Variants in RAB20 observed in about 807,000 individuals in gnomAD.
RAB20 encodes the protein ras-related protein Rab-20.
Under a neutral mutation model 3.7 loss-of-function variants are expected in RAB20, and 2 were observed. The observed-to-expected ratio is 0.54, with a 90% CI of 0.22 to 1.69. The LOEUF is 1.69. Ranked by LOEUF, RAB20 falls within the 40% of genes most tolerant of loss-of-function variation. The pLI is 0.19. For synonymous variants in RAB20, 126 were observed against 130.8 expected, an observed-to-expected ratio of 0.96 and a Z score of 0.25; for missense variants, 276 against 311.9, an observed-to-expected ratio of 0.88 and a Z score of 0.87.
At chr13:110,544,833 C>T (rs1345648212) in intron 1 of RAB20, among the ~76,000 whole-genome samples, 1 of 152,166 alleles carries the variant, frequency 6.6e-6, no homozygotes, top group African/African-American at 2.4e-5. Flanking sequence ...GCTGTGTCTC[C>T]GTTCAAATCT....
At position 110,551,610 on chromosome 13, in the gene RAB20, G is replaced by A. The variant is rs529648500; in HGVS notation, c.172+9738C>T. ...GGAACCTGCCTGGGCCAGCGTTCGC[G>A]GCCAGCTGGACCATGGAACTCTGTC... is the stretch of plus-strand genomic sequence containing the variant. On this transcript the variant is annotated intron_variant, in intron 1 of 1. Coordinates refer to ENST00000267328, the MANE Select transcript of RAB20 (RefSeq NM_017817.3). Among the ~76,000 whole-genome samples, 8 of 152,164 alleles carry A rather than the reference G, an allele frequency of 5.3e-5. No homozygotes were observed. In the East Asian group the frequency reaches 7.7e-4, roughly 15 times the overall value.
intron 1 of RAB20, among the ~76,000 whole-genome samples, chr13:110,538,856 G>A (rs567115064): frequency 8.5e-5 from 13 of 152,146 alleles, no homozygotes; most frequent in African/African-American, 2.9e-4. Context: ...ACTGTCCCTG[G>A]CCAGGCAAGA....
chr13:110,529,050 A>C (rs1158773376), intron 1 of RAB20, among the ~76,000 whole-genome samples: 1 of 152,246 alleles, frequency 6.6e-6, no homozygotes, highest in East Asian at 1.9e-4. Context: ...TGTCCACACC[A>C]AGAAGGGCCA....
At position 110,555,611 on chromosome 13, in the gene RAB20, T is replaced by G. The variant is rs573719986; in HGVS notation, c.172+5737A>C. Among the ~76,000 whole-genome samples, 1 of 152,310 alleles carries G rather than the reference T, an allele frequency of 6.6e-6. No individual in the cohort carries two copies. Among genetic ancestry groups the G allele is most frequent in the South Asian group, 2.1e-4 (1 of 4,828 alleles). On this transcript the variant is annotated intron_variant, in intron 1 of 1. Coordinates refer to ENST00000267328, the MANE Select transcript of RAB20 (RefSeq NM_017817.3). The surrounding 1 kb of genome is among the most constrained non-coding windows in gnomAD (Gnocchi z 4.0). ...TTCTAGTTGAGACAGACAGAGGAAC[T>G]GTTTCCTCGCAGCTTGGGCAGAGGA...
chr13:110,560,529 A>G (rs1885112043), intron 1 of RAB20, among the ~76,000 whole-genome samples: 2 of 152,192 alleles, frequency 1.3e-5, no homozygotes, highest in Admixed American at 1.3e-4. Context: ...CTAAAAACTC[A>G]CACTCATTGA....
In RAB20 at chr13:110,540,860, A is replaced by G. The variant is rs1473415125; in HGVS notation, c.173-16663T>C. Among the ~76,000 whole-genome samples the G allele has an allele frequency of 2.6e-5, 4 of 152,258 alleles. No individual in the cohort carries two copies. The East Asian group carries it at 5.8e-4, about 22-fold the overall frequency. ...CTCTCTCACGCAAAATAGTGTCTAC[A>G]AAGAAGGCGAGGAGCTGGAAGAGCA... On this transcript the variant is annotated intron_variant, in intron 1 of 1. Coordinates refer to ENST00000267328, the MANE Select transcript of RAB20 (RefSeq NM_017817.3).
intron 1 of RAB20, among the ~76,000 whole-genome samples, chr13:110,544,887 G>T (rs1028127636): frequency 1.3e-5 from 2 of 152,186 alleles, no homozygotes; most frequent in African/African-American, 4.8e-5. Context: ...GTTGTGGGAG[G>T]GACCCACAGG....
chr13:110,546,555 T>G (rs1884851922), intron 1 of RAB20, among the ~76,000 whole-genome samples: 1 of 152,186 alleles, frequency 6.6e-6, no homozygotes, highest in South Asian at 2.1e-4. Flanking sequence ...CATTTTTTAT[T>G]GATGCACTCA....
At chr13:110,527,930 CACACACACACACAT>C (rs1291035397) in intron 1 of RAB20, among the ~76,000 whole-genome samples, 12 of 149,816 alleles carry the variant, frequency 8.0e-5, no homozygotes, top group African/African-American at 3.0e-4. Flanking sequence ...CACACACACA[CACACACACACACAT>C]ACACTTTAAT....
intron 1 of RAB20, among the ~76,000 whole-genome samples, chr13:110,537,424 G>A (rs1884667027): frequency 6.6e-6 from 1 of 151,988 alleles, no homozygotes; most frequent in African/African-American, 2.4e-5. Flanking sequence ...TCAGATATGT[G>A]AGAAGAAAGA....
intron 1 of RAB20, among the ~76,000 whole-genome samples, chr13:110,536,918 T>A (rs373721): frequency 0.42 from 40,964 of 98,382 alleles, 7,825 homozygotes; most frequent in African/African-American, 0.57. Flanking sequence ...TCCTAATGCT[T>A]TCCCTCCCCC....
chr13:110,528,267 T>A (rs1355569398), intron 1 of RAB20, among the ~76,000 whole-genome samples: 2 of 151,732 alleles, frequency 1.3e-5, no homozygotes, highest in Admixed American at 6.6e-5. Flanking sequence ...AAATACAAAA[T>A]TAGCCAGGCA....
chr13:110,532,473 T>C (rs1884558711), intron 1 of RAB20, among the ~76,000 whole-genome samples: 2 of 148,436 alleles, frequency 1.3e-5, no homozygotes, highest in South Asian at 4.3e-4. Context: ...ACGTCCAGGG[T>C]TCAAGCAATT....
At chr13:110,554,442 G>A (rs1448210140) in intron 1 of RAB20, among the ~76,000 whole-genome samples, 1 of 152,182 alleles carries the variant, frequency 6.6e-6, no homozygotes, top group Non-Finnish European at 1.5e-5. Flanking sequence ...GGGGCTCGCG[G>A]TCCTCTGAGC....
chr13:110,524,111 T>A lies in RAB20; in HGVS notation c.259A>T (p.Ser87Cys), dbSNP rs750915766. ...ILTYDVNHRQ[S>C]LVELEDRFLG... is the part of the protein sequence containing the mutation. ...AACCGGTCCTCCAGCTCCACCAGGC[T>A]CTGCCGGTGATTCACATCATAGGTG... The change falls in exon 2 of 2, where the codon AGC becomes TGC. Residue 87 changes from serine (S) to cysteine (C), a missense_variant. Transcript: ENST00000267328. 2 of 1,612,728 alleles carry A rather than the reference T, an allele frequency of 1.2e-6. No homozygotes were observed. The highest frequency in any genetic ancestry group is 1.7e-6 in the Non-Finnish European group (2 of 1,179,980).
chr13:110,544,511 T>C (rs1884818793), intron 1 of RAB20, among the ~76,000 whole-genome samples: 1 of 152,174 alleles, frequency 6.6e-6, no homozygotes, highest in African/African-American at 2.4e-5. Flanking sequence ...CCTTGACACA[T>C]GTTAAAAAAT....
At chr13:110,529,823 C>T (rs1298283653) in intron 1 of RAB20, among the ~76,000 whole-genome samples, 1 of 152,146 alleles carries the variant, frequency 6.6e-6, no homozygotes, top group Non-Finnish European at 1.5e-5. Flanking sequence ...GGGTGAGTGA[C>T]CGGAGCCTGG....
At chr13:110,557,099 T>C (rs1395717978) in intron 1 of RAB20, among the ~76,000 whole-genome samples, 3 of 152,082 alleles carry the variant, frequency 2.0e-5, no homozygotes, top group African/African-American at 7.2e-5. Flanking sequence ...TGCATCCTCG[T>C]AGTGAACACC....
chr13:110,551,490 A>C (rs1241032537), intron 1 of RAB20, among the ~76,000 whole-genome samples: 1 of 152,164 alleles, frequency 6.6e-6, no homozygotes, highest in Non-Finnish European at 1.5e-5. Context: ...GGCTCTGAGC[A>C]GGGAAGGTGA....
Sources: allele counts gnomAD v4.1 joint callset (sites outside exome capture counted in the v4.1 genomes callset), GRCh38; gene constraint gnomAD v4.1.1; non-coding constraint Gnocchi (gnomAD v3.1); transcripts MANE v1.5; gene names NCBI Gene and HGNC (gene_info 2026-07-23, HGNC 2026-07-21).